Variants in FAR1 observed in about 807,000 individuals in gnomAD.
The protein encoded by FAR1 is fatty acyl-CoA reductase 1.
In FAR1, 22 loss-of-function variants were observed where a neutral mutation model predicts 61.1. That is an observed-to-expected ratio of 0.36 (90% CI 0.26 to 0.51). FAR1 has a LOEUF of 0.51. Ranked by LOEUF, FAR1 falls within the 20% of genes least tolerant of loss-of-function variation. FAR1 has a pLI of 0.95. For synonymous variants in FAR1, 206 were observed against 209.7 expected (o/e 0.98, Z 0.15); for missense variants, 359 against 626.9 (o/e 0.57, Z 4.56).
intron 4 of FAR1, among the ~76,000 whole-genome samples, chr11:13,708,442 C>CGT (rs1303996358): frequency 1.0e-4 from 10 of 98,496 alleles, no homozygotes; most frequent in African/African-American, 1.4e-4. Flanking sequence ...TGTGCGCGCG[C>CGT]GCGCGCACAC....
chr11:13,702,985 T>C (rs910434427), intron 3 of FAR1, among the ~76,000 whole-genome samples: 2 of 152,244 alleles, frequency 1.3e-5, no homozygotes, highest in African/African-American at 4.8e-5. Flanking sequence ...TACATTGTTT[T>C]TCTTTTCCTT....
rs761634766 is a variant in FAR1, at chr11:13,687,362, G to C, written c.-7-7397G>C. Among the ~76,000 whole-genome samples the C allele has an allele frequency of 2.1e-4, 32 of 152,264 alleles. No homozygotes were observed. In the East Asian group the frequency reaches 5.6e-3, roughly 27 times the overall value. On this transcript the variant is annotated intron_variant, in intron 1 of 11. Transcript: ENST00000354817. ...GTAAATTACCTTTCACAGTCCTGTC[G>C]TCCCCTTCCCCAAGTGTGTGGGAAT... is the stretch of plus-strand genomic sequence containing the variant.
At chr11:13,688,049 T>C (rs994572186) in intron 1 of FAR1, among the ~76,000 whole-genome samples, 1 of 151,744 alleles carries the variant, frequency 6.6e-6, no homozygotes, top group Non-Finnish European at 1.5e-5. Flanking sequence ...TGTATACATA[T>C]GTAACAAACC....
intron 3 of FAR1, among the ~76,000 whole-genome samples, chr11:13,704,958 G>A (rs565185913): frequency 2.0e-5 from 3 of 152,220 alleles, no homozygotes; most frequent in South Asian, 2.1e-4. Context: ...GAGAACCCTG[G>A]TTTAAGGTCT....
Position 13,730,463 on chromosome 11 carries a change from CA to C in FAR1, c.*1690del, listed in dbSNP as rs1221319934. 6 of 152,094 alleles carry C rather than the reference CA, an allele frequency of 3.9e-5. No individual in the cohort carries two copies. Among genetic ancestry groups the C allele is most frequent in the Non-Finnish European group, 8.8e-5 (6 of 67,922 alleles). 9.4% of individuals were successfully genotyped at this position (152,094 alleles called of 1,614,324 possible). A position where few individuals can be genotyped will look rare whatever the true frequency, so the allele number is the denominator to read the frequency against. ...GATACTAAAGTCTCTGGTCTAGGAC[CA>C]TACCTTATATAAAGGTATAAGAGAC... On this transcript the variant is annotated 3_prime_UTR_variant, in exon 12 of 12. Coordinates refer to ENST00000354817, the MANE Select transcript of FAR1 (RefSeq NM_032228.6).
At chr11:13,698,545 A>G (rs556852254) in intron 2 of FAR1, among the ~76,000 whole-genome samples, 4 of 152,248 alleles carry the variant, frequency 2.6e-5, no homozygotes, top group Non-Finnish European at 5.9e-5. Flanking sequence ...AAATCTGTCA[A>G]TAGCGACCGG....
At chr11:13,724,641 C>A (rs1214320018) in intron 10 of FAR1, among the ~76,000 whole-genome samples, 1 of 151,454 alleles carries the variant, frequency 6.6e-6, no homozygotes, top group African/African-American at 2.4e-5. Context: ...CCTTTCTCTT[C>A]CCACTTACTT....
At chr11:13,715,442 G>A in intron 9 of FAR1, among the ~76,000 whole-genome samples, 1 of 152,066 alleles carries the variant, frequency 6.6e-6, no homozygotes, top group Non-Finnish European at 1.5e-5. Flanking sequence ...TAAAAACCTA[G>A]GGATGAGTTT....
At chr11:13,687,308 A>G (rs963330947) in intron 1 of FAR1, among the ~76,000 whole-genome samples, 5 of 152,218 alleles carry the variant, frequency 3.3e-5, no homozygotes, top group Non-Finnish European at 7.3e-5. Context: ...GCTATTTCCT[A>G]AAGCAGCTCA....
chr11:13,670,944 A>G (rs1847995283), intron 1 of FAR1, among the ~76,000 whole-genome samples: 1 of 152,192 alleles, frequency 6.6e-6, no homozygotes. Context: ...GTGAAGAGTT[A>G]TAGAGTCAAG....
At chr11:13,692,507 A>G (rs1307877319) in intron 1 of FAR1, among the ~76,000 whole-genome samples, 1 of 152,122 alleles carries the variant, frequency 6.6e-6, no homozygotes, top group African/African-American at 2.4e-5. Context: ...CCAACAGTGT[A>G]TGATTGTTCT....
Position 13,694,958 on chromosome 11 carries a change from A to G in FAR1, c.189+4A>G. 1.2e-6 allele frequency: 2 copies of G among 1,600,550 alleles called. No individual in the cohort carries two copies. The highest frequency in any genetic ancestry group is 1.7e-6 in the Non-Finnish European group (2 of 1,172,948). ...GGAAGAAGTCCTTAGTGGCAAGGTA[A>G]GTATGGAAAATGAGCACTCAGAACA... On this transcript the variant is annotated splice_donor_region_variant and intron_variant, in intron 2 of 11. Coordinates refer to ENST00000354817, the MANE Select transcript of FAR1 (RefSeq NM_032228.6).
intron 1 of FAR1, among the ~76,000 whole-genome samples, chr11:13,693,352 CT>C (rs1315014447): frequency 6.6e-6 from 1 of 151,748 alleles, no homozygotes; most frequent in East Asian, 1.9e-4. Context: ...GCTATAAATG[CT>C]TTTTTCTTTT....
chr11:13,698,395 C>G (rs758342534), intron 2 of FAR1, among the ~76,000 whole-genome samples: 5 of 152,186 alleles, frequency 3.3e-5, no homozygotes, highest in Admixed American at 2.0e-4. Flanking sequence ...CTGAATGTTA[C>G]ATCCTGAATC....
chr11:13,711,668 AC>A, intron 5 of FAR1, 95 bp from the exon 6 acceptor site: 1 of 918,408 alleles, frequency 1.1e-6, no homozygotes, highest in Non-Finnish European at 1.7e-6. Flanking sequence ...GAAGACAGCT[AC>A]CAAGTATATA....
chr11:13,706,359 A>G (rs754367706), intron 3 of FAR1, among the ~76,000 whole-genome samples: 4 of 152,152 alleles, frequency 2.6e-5, no homozygotes, highest in Admixed American at 2.0e-4. Flanking sequence ...ATTAATAAAT[A>G]TACCATTTCT....
At position 13,671,766 on chromosome 11, in the gene FAR1, C is replaced by T. The variant is rs536278395; in HGVS notation, c.-8+2960C>T. Among the ~76,000 whole-genome samples the T allele has an allele frequency of 1.8e-4, 28 of 152,248 alleles. No homozygotes were observed. The South Asian group carries it at 5.8e-3, about 32-fold the overall frequency. On this transcript the variant is annotated intron_variant, in intron 1 of 11. Transcript: ENST00000354817. ...GTCACACAGCTAGGAGGGGACAGGTCAGGATTGGCAGAATCAGTCAGTAAA... is the reference window on the plus strand; with the variant it reads ...GTCACACAGCTAGGAGGGGACAGGTTAGGATTGGCAGAATCAGTCAGTAAA...
At chr11:13,685,800 C>T (rs1354363117) in intron 1 of FAR1, 1 of 152,186 alleles carries the variant, frequency 6.6e-6, no homozygotes, top group Non-Finnish European at 1.5e-5. Context: ...TAAGGATTCT[C>T]AGCAAGAGGT....
intron 10 of FAR1, among the ~76,000 whole-genome samples, chr11:13,726,854 T>A (rs1394873659): frequency 6.6e-6 from 1 of 151,994 alleles, no homozygotes; most frequent in Non-Finnish European, 1.5e-5. Context: ...TACTGAATTT[T>A]TTATAGTAGC....
Sources: allele counts gnomAD v4.1 joint callset (sites outside exome capture counted in the v4.1 genomes callset), GRCh38; gene constraint gnomAD v4.1.1; transcripts MANE v1.5; gene names NCBI Gene and HGNC (gene_info 2026-07-23, HGNC 2026-07-21).